Variants in VAC14 observed in about 807,000 individuals in gnomAD.
VAC14 encodes VAC14 component of PIKFYVE complex.
VAC14 carries 47 observed loss-of-function variants against 85.3 expected under a neutral mutation model. That is an observed-to-expected ratio of 0.55 (90% CI 0.44 to 0.70). The LOEUF is 0.70. Among genes scored for constraint, VAC14 ranks in the 30% least tolerant of loss-of-function variants. The pLI is 0.00. For missense variants in VAC14, 861 were observed against 1,004.3 expected (o/e 0.86, Z 1.93); for synonymous variants, 447 against 430.5 (o/e 1.04, Z -0.47).
chr16:70,733,682 C>T (rs1403321325), intron 13 of VAC14, among the ~76,000 whole-genome samples: 1 of 151,986 alleles, frequency 6.6e-6, no homozygotes, highest in Non-Finnish European at 1.5e-5. Context: ...CCTGCTGCCC[C>T]TTTGCCTTCC....
Position 70,762,874 on chromosome 16 carries a change from G to T in VAC14, c.1305+7C>A, listed in dbSNP as rs772094107. The T allele has an allele frequency of 1.2e-6, 2 of 1,614,168 alleles. No homozygotes were observed. The highest frequency in any genetic ancestry group is 3.3e-5 in the Admixed American group (2 of 60,020). ...AGGCCCCTGGCTTGGAGGGGCCCAG[G>T]GCTCACCTTCCGAGGAGTTTTGATG... is the stretch of plus-strand genomic sequence containing the variant. On this transcript the variant is annotated splice_region_variant and intron_variant, in intron 11 of 18. Coordinates refer to ENST00000261776, the MANE Select transcript of VAC14 (RefSeq NM_018052.5). This position sits in a 1 kb window ranked among gnomAD's most constrained non-coding sequence, Gnocchi z 4.1.
intron 6 of VAC14, 83 bp downstream of exon 6, chr16:70,783,362 G>A (rs770976870): frequency 2.3e-5 from 32 of 1,395,738 alleles, no homozygotes; most frequent in Admixed American, 6.8e-5. Flanking sequence ...CCCTCCTGCC[G>A]CGGCCTCTCT....
Position 70,762,748 on chromosome 16 carries a change from C to A in VAC14, c.1305+133G>T. On this transcript the variant is annotated intron_variant, in intron 11 of 18. Transcript: ENST00000261776. This position sits in a 1 kb window ranked among gnomAD's most constrained non-coding sequence, Gnocchi z 4.1. ...CCGACACAATGAGGGCTCCTCGCAGCACCTGTCACTTCTCTGCCGGCCAGG... is the reference window on the plus strand; with the variant it reads ...CCGACACAATGAGGGCTCCTCGCAGAACCTGTCACTTCTCTGCCGGCCAGG... 1 of 1,509,644 alleles carries A rather than the reference C, an allele frequency of 6.6e-7. No individual in the cohort carries two copies. The highest frequency in any genetic ancestry group is 9.0e-7 in the Non-Finnish European group (1 of 1,105,404). The allele number at this position is 1,509,644 out of a possible 1,614,324, so 93.5% of individuals were successfully genotyped here.
At chr16:70,756,697 C>G (rs1326311076) in intron 12 of VAC14, among the ~76,000 whole-genome samples, 2 of 152,174 alleles carry the variant, frequency 1.3e-5, no homozygotes, top group South Asian at 2.1e-4. Flanking sequence ...GTCCTCAACC[C>G]AGGTACCACT....
intron 14 of VAC14, among the ~76,000 whole-genome samples, chr16:70,729,410 G>C (rs2054523008): frequency 6.6e-6 from 1 of 152,142 alleles, no homozygotes; most frequent in African/African-American, 2.4e-5. Context: ...AGGCAGGCCT[G>C]TCCTCTCCCA....
At position 70,745,518 on chromosome 16, in the gene VAC14, TGCGCGTGTGC is replaced by T. The variant is rs1249739502; in HGVS notation, c.1372-949_1372-940del. ...GTGTGTGTGTGTGTGTGTGTGTGTGTGCGCGTGTGCGCGCGTGTGCCTGTGTGCATGCACC... is the reference window on the plus strand; with the variant it reads ...GTGTGTGTGTGTGTGTGTGTGTGTGTGCGCGTGTGCCTGTGTGCATGCACC... On this transcript the variant is annotated intron_variant, in intron 12 of 18. Coordinates refer to ENST00000261776, the MANE Select transcript of VAC14 (RefSeq NM_018052.5). Among the ~76,000 whole-genome samples, 6 of 141,106 alleles carry T rather than the reference TGCGCGTGTGC, an allele frequency of 4.3e-5. No homozygotes were observed. The East Asian group carries it at 6.0e-4, about 14-fold the overall frequency. The allele number at this position is 141,106 out of a possible 152,430, so 92.6% of individuals were successfully genotyped here.
intron 13 of VAC14, among the ~76,000 whole-genome samples, chr16:70,733,015 T>A (rs1287054328): frequency 1.3e-5 from 2 of 152,206 alleles, no homozygotes; most frequent in African/African-American, 4.8e-5. Context: ...ATAAGGTTAA[T>A]CCTTTTAAAG....
chr16:70,781,791 G>T lies in VAC14; in HGVS notation c.946+78C>A, dbSNP rs953086455. 30 of 1,554,924 alleles carry T rather than the reference G, an allele frequency of 1.9e-5. No individual in the cohort carries two copies. In the Middle Eastern group the frequency reaches 5.2e-4, roughly 27 times the overall value. The stretch of plus-strand genomic sequence containing the variant: ...GTGATGGATCCTAAGAGAGCCCCCA[G>T]CCCCCAGTGCAGGGTCCCTCAACTT... On this transcript the variant is annotated intron_variant, in intron 8 of 18. Transcript: ENST00000261776.
At chr16:70,707,300 A>G (rs1222936540) in intron 14 of VAC14, among the ~76,000 whole-genome samples, 1 of 152,238 alleles carries the variant, frequency 6.6e-6, no homozygotes, top group Non-Finnish European at 1.5e-5. Flanking sequence ...TCGTTGTTTA[A>G]TGCAGTCGAT....
chr16:70,704,527 G>A (rs549467455), intron 14 of VAC14, among the ~76,000 whole-genome samples: 15 of 152,362 alleles, frequency 9.8e-5, no homozygotes, highest in African/African-American at 3.6e-4. Flanking sequence ...AGCAGAAGAG[G>A]GGCTGTGCAA....
intron 15 of VAC14, among the ~76,000 whole-genome samples, chr16:70,697,762 G>T (rs1351082727): frequency 6.6e-6 from 1 of 152,200 alleles, no homozygotes; most frequent in Non-Finnish European, 1.5e-5. Context: ...AATTCTTAAG[G>T]CCTCTGCGAA....
intron 13 of VAC14, among the ~76,000 whole-genome samples, chr16:70,735,591 T>C (rs1251383548): frequency 6.6e-6 from 1 of 152,090 alleles, no homozygotes; most frequent in Non-Finnish European, 1.5e-5. Flanking sequence ...AGAAAAGGCG[T>C]TTTTCTGTGC....
chr16:70,782,429 A>G (rs2033858859), intron 7 of VAC14, among the ~76,000 whole-genome samples: 1 of 152,218 alleles, frequency 6.6e-6, no homozygotes, highest in Non-Finnish European at 1.5e-5. Flanking sequence ...ATGCCATATG[A>G]GCATGCCCAG....
At chr16:70,757,384 G>A (rs2031957346) in intron 12 of VAC14, among the ~76,000 whole-genome samples, 2 of 152,250 alleles carry the variant, frequency 1.3e-5, no homozygotes, top group South Asian at 4.1e-4. Context: ...CTGTGAACCT[G>A]CTGACAATGG....
At position 70,800,925 on chromosome 16, in the gene VAC14, A is replaced by G; in HGVS notation, c.-25T>C. The G allele has an allele frequency of 1.3e-6, 2 of 1,534,848 alleles. No homozygotes were observed. The highest frequency in any genetic ancestry group is 1.4e-5 in the African/African-American group (1 of 70,280). On this transcript the variant is annotated 5_prime_UTR_variant, in exon 1 of 19. Coordinates refer to ENST00000261776, the MANE Select transcript of VAC14 (RefSeq NM_018052.5). ...TGGTGGCAGCTGGGGGAACCTCGCG[A>G]CTCCTTAGCCCGCGGCTGCCGGGGC...
At chr16:70,783,780 G>A (rs553990589) in intron 5 of VAC14, among the ~76,000 whole-genome samples, 1 of 152,358 alleles carries the variant, frequency 6.6e-6, no homozygotes, top group East Asian at 1.9e-4. Context: ...GATGCCCAGG[G>A]GAGAAGGGGA....
Position 70,772,804 on chromosome 16 carries a change from T to C in VAC14, c.1097-632A>G, listed in dbSNP as rs1008399720. On this transcript the variant is annotated intron_variant, in intron 9 of 18. Transcript: ENST00000261776. ...ATGTTCACATCAGCATTATCTACAA[T>C]AGCCAAAAAGCAGAAGCAACCCAAA... 9 of 152,270 alleles carry C rather than the reference T, an allele frequency of 5.9e-5. No homozygotes were observed. In the Middle Eastern group the frequency reaches 0.01, roughly 173 times the overall value. The allele number at this position is 152,270 out of a possible 1,614,324, so 9.4% of individuals were successfully genotyped here.
chr16:70,795,523 A>T (rs1218319978), intron 1 of VAC14, among the ~76,000 whole-genome samples: 1 of 148,390 alleles, frequency 6.7e-6, no homozygotes. Flanking sequence ...AAAAGAATGC[A>T]TCCCTCTGAA....
intron 14 of VAC14, among the ~76,000 whole-genome samples, chr16:70,719,448 CAG>C (rs1218760121): frequency 6.6e-6 from 1 of 152,052 alleles, no homozygotes; most frequent in Non-Finnish European, 1.5e-5. Context: ...AGGCATGCCA[CAG>C]AGTAGGAGAA....
Sources: allele counts gnomAD v4.1 joint callset (sites outside exome capture counted in the v4.1 genomes callset), GRCh38; gene constraint gnomAD v4.1.1; non-coding constraint Gnocchi (gnomAD v3.1); transcripts MANE v1.5; gene names NCBI Gene and HGNC (gene_info 2026-07-23, HGNC 2026-07-21).